Variants in RGS5 observed in about 807,000 individuals in gnomAD.
RGS5 encodes the protein regulator of G-protein signalling 5.
RGS5 carries 20 observed loss-of-function variants against 18.9 expected under a neutral mutation model. The ratio of observed to expected loss-of-function variants is 1.06; its 90% CI spans 0.74 to 1.54. The LOEUF (loss-of-function observed/expected upper bound fraction) is 1.54. Ranked by LOEUF, RGS5 falls within the 40% of genes most tolerant of loss-of-function variation. RGS5 has a pLI of 0.00. For missense variants in RGS5, 201 were observed against 211.8 expected, an observed-to-expected ratio of 0.95 and a Z score of 0.32; for synonymous variants, 57 against 76.2, an observed-to-expected ratio of 0.75 and a Z score of 1.31.
intron 4 of RGS5, 104 bp from the exon 5 acceptor site, chr1:163,147,607 G>A: frequency 2.8e-6 from 3 of 1,075,174 alleles, no homozygotes; most frequent in Non-Finnish European, 2.6e-6. Flanking sequence ...TAAGAGGGGA[G>A]GAAAGTCATT....
At chr1:163,171,339 C>T (rs1658287340) in intron 1 of RGS5, among the ~76,000 whole-genome samples, 1 of 152,146 alleles carries the variant, frequency 6.6e-6, no homozygotes, top group African/African-American at 2.4e-5. Flanking sequence ...AGTATCCCAC[C>T]CAGTCCGTGA....
At chr1:163,236,178 T>A (rs1647617414) in intron 2 of RGS5, among the ~76,000 whole-genome samples, 3 of 152,092 alleles carry the variant, frequency 2.0e-5, no homozygotes, top group Admixed American at 2.0e-4. Context: ...GCCTCTTTCG[T>A]CTCATATGTT....
intron 4 of RGS5, among the ~76,000 whole-genome samples, chr1:163,150,991 C>G (rs1227301153): frequency 6.6e-6 from 1 of 152,160 alleles, no homozygotes; most frequent in East Asian, 1.9e-4. Context: ...TGACTCCAAA[C>G]CTTGATGAAA....
At chr1:163,312,343 A>G (rs1649890488) in intron 1 of RGS5, among the ~76,000 whole-genome samples, 1 of 152,250 alleles carries the variant, frequency 6.6e-6, no homozygotes, top group Admixed American at 6.5e-5. Context: ...AGTTCTTTAT[A>G]GCAGTGTGAG....
In RGS5 at chr1:163,142,832, C is replaced by A. The variant is rs1176800341; in HGVS notation, c.*4510G>T. On this transcript the variant is annotated 3_prime_UTR_variant, in exon 5 of 5. Coordinates refer to ENST00000313961, the MANE Select transcript of RGS5 (RefSeq NM_003617.4). Reference sequence around the variant, plus strand: ...GGGCAAGGTGGGGAGGAAAAAAATACCTCAGGTGAGAGAACAAGTAACTTG... The same window carrying A: ...GGGCAAGGTGGGGAGGAAAAAAATAACTCAGGTGAGAGAACAAGTAACTTG... 6.6e-6 allele frequency: 1 copy of A among 152,098 alleles called. No individual in the cohort carries two copies. Among genetic ancestry groups the A allele is most frequent in the Non-Finnish European group, 1.5e-5 (1 of 68,042 alleles). 9.4% of individuals were successfully genotyped at this position (152,098 alleles called of 1,614,324 possible).
At chr1:163,148,142 G>A (rs1178311308) in intron 4 of RGS5, among the ~76,000 whole-genome samples, 2 of 151,970 alleles carry the variant, frequency 1.3e-5, no homozygotes, top group Non-Finnish European at 2.9e-5. Context: ...GGTGAGGCTG[G>A]TCTCGAACTC....
At position 163,145,735 on chromosome 1, in the gene RGS5, A is replaced by C. The variant is rs1657105872; in HGVS notation, c.*1607T>G. The C allele has an allele frequency of 6.6e-6, 1 of 152,220 alleles. No individual in the cohort carries two copies. The allele number at this position is 152,220 out of a possible 1,614,324, so 9.4% of individuals were successfully genotyped here. On this transcript the variant is annotated 3_prime_UTR_variant, in exon 5 of 5. Coordinates refer to ENST00000313961, the MANE Select transcript of RGS5 (RefSeq NM_003617.4). ...AAAATAGGGAAAATCCAACAAGCGC[A>C]GTCAGTGTTTACCTGAAGAATACAG...
At chr1:163,255,745 TC>T (rs1282339458) in intron 2 of RGS5, among the ~76,000 whole-genome samples, 7 of 151,462 alleles carry the variant, frequency 4.6e-5, no homozygotes, top group Admixed American at 1.3e-4. Context: ...CAGCAGCACA[TC>T]AAAAAGCTTA....
intron 1 of RGS5, among the ~76,000 whole-genome samples, chr1:163,189,090 G>A (rs115933425): frequency 0.026 from 3,937 of 152,230 alleles, 77 homozygotes; most frequent in South Asian, 0.055. Context: ...TGCAGGCCAC[G>A]TGGGACTGTC....
At chr1:163,157,474 C>T (rs1419735931) in intron 3 of RGS5, among the ~76,000 whole-genome samples, 2 of 152,156 alleles carry the variant, frequency 1.3e-5, no homozygotes, top group Non-Finnish European at 1.5e-5. Flanking sequence ...TTAGAAGAGA[C>T]TGAGTAGCAA....
intron 2 of RGS5, among the ~76,000 whole-genome samples, chr1:163,281,772 A>G (rs1193530633): frequency 6.6e-6 from 1 of 152,178 alleles, no homozygotes; most frequent in East Asian, 1.9e-4. Flanking sequence ...CCATGTTTGT[A>G]CAGTCAACTT....
intron 2 of RGS5, among the ~76,000 whole-genome samples, chr1:163,287,015 A>G (rs1034135901): frequency 6.6e-6 from 1 of 152,210 alleles, no homozygotes; most frequent in Non-Finnish European, 1.5e-5. Flanking sequence ...GTACTATTTC[A>G]GAACACTTTT....
chr1:163,253,593 A>G (rs561825282), intron 2 of RGS5, among the ~76,000 whole-genome samples: 3 of 151,272 alleles, frequency 2.0e-5, no homozygotes, highest in African/African-American at 2.4e-5. Context: ...TACAGGCGTG[A>G]GCCACCGCAC....
intron 2 of RGS5, among the ~76,000 whole-genome samples, chr1:163,235,970 C>G (rs1189602012): frequency 6.6e-6 from 1 of 152,110 alleles, no homozygotes; most frequent in East Asian, 1.9e-4. Context: ...TGAATCTTTT[C>G]AAGAATTTTA....
intron 2 of RGS5, chr1:163,238,917 TA>T: frequency 5.3e-6 from 1 of 188,132 alleles, no homozygotes; most frequent in Admixed American, 5.3e-5. Flanking sequence ...TATTTATGTT[TA>T]AAAATAGGAA....
intron 1 of RGS5, among the ~76,000 whole-genome samples, chr1:163,181,259 A>G (rs918397262): frequency 2.0e-5 from 3 of 151,966 alleles, no homozygotes; most frequent in Admixed American, 2.0e-4. Flanking sequence ...CTCCACAACC[A>G]CATGTACACC....
At chr1:163,223,156 C>G (rs1156340377) in intron 2 of RGS5, among the ~76,000 whole-genome samples, 1 of 152,148 alleles carries the variant, frequency 6.6e-6, no homozygotes, top group Non-Finnish European at 1.5e-5. Flanking sequence ...CTATTGATTG[C>G]TTCAAGATTA....
chr1:163,264,031 C>T (rs889001110), intron 2 of RGS5, among the ~76,000 whole-genome samples: 4 of 151,972 alleles, frequency 2.6e-5, no homozygotes, highest in Non-Finnish European at 5.9e-5. Context: ...GTAAGCCTTT[C>T]ATTTTCTTTG....
chr1:163,166,067 T>G (rs1391597681), intron 2 of RGS5, among the ~76,000 whole-genome samples: 1 of 151,630 alleles, frequency 6.6e-6, no homozygotes, highest in Non-Finnish European at 1.5e-5. Context: ...GAGTACAGAC[T>G]TCTGTTTCTA....
Sources: gnomAD v4.1 joint callset for allele counts (sites outside exome capture counted in the v4.1 genomes callset) on GRCh38, gnomAD v4.1.1 for gene constraint, MANE v1.5 for transcripts, NCBI Gene and HGNC (gene_info 2026-07-23, HGNC 2026-07-21) for gene names.